The following FGF12 variants were observed in gnomAD, a reference collection of about 807,000 sequenced individuals.
FGF12 encodes fibroblast growth factor 12.
Under a neutral mutation model 23.6 loss-of-function variants are expected in FGF12, and 14 were observed. That is an observed-to-expected ratio of 0.59 (90% CI 0.39 to 0.93). The LOEUF is 0.93. Ranked by LOEUF, FGF12 falls within the 40% of genes least tolerant of loss-of-function variation. The pLI, the probability that FGF12 is intolerant of heterozygous loss-of-function variation, is 0.00. For synonymous variants in FGF12, 62 were observed against 77.3 expected (o/e 0.80, Z 1.04); for missense variants, 175 against 217.8 (o/e 0.80, Z 1.24).
chr3:192,696,189 C>A (rs1718118442), intron 2 of FGF12, among the ~76,000 whole-genome samples: 1 of 149,256 alleles, frequency 6.7e-6, no homozygotes, highest in African/African-American at 2.5e-5. Flanking sequence ...TAACAGTAAG[C>A]AATAGTGGAA....
At chr3:192,383,317 T>A (rs1317143531) in intron 2 of FGF12, among the ~76,000 whole-genome samples, 1 of 152,218 alleles carries the variant, frequency 6.6e-6, no homozygotes, top group African/African-American at 2.4e-5. Flanking sequence ...AGGCTGCACA[T>A]GCTATAATAA....
intron 2 of FGF12, among the ~76,000 whole-genome samples, chr3:192,456,007 T>G (rs1220110587): frequency 1.3e-5 from 2 of 152,214 alleles, no homozygotes; most frequent in Non-Finnish European, 2.9e-5. Flanking sequence ...ACTGGTCTTT[T>G]GGGTCCATAA....
intron 2 of FGF12, among the ~76,000 whole-genome samples, chr3:192,711,394 C>T (rs1388065013): frequency 1.3e-5 from 2 of 148,970 alleles, no homozygotes; most frequent in African/African-American, 2.4e-5. Flanking sequence ...CCGGCCGCCC[C>T]TTCTGGGAAG....
intron 4 of FGF12, among the ~76,000 whole-genome samples, chr3:192,248,849 A>G (rs1711813939): frequency 6.6e-6 from 1 of 152,124 alleles, no homozygotes; most frequent in Non-Finnish European, 1.5e-5. Flanking sequence ...TTAGCTTAAC[A>G]CAATTAATTT....
chr3:192,348,909 G>A (rs1718082692), intron 3 of FGF12, among the ~76,000 whole-genome samples: 1 of 152,080 alleles, frequency 6.6e-6, no homozygotes, highest in African/African-American at 2.4e-5. Flanking sequence ...TTTCATAGCT[G>A]TACTGAACAT....
At chr3:192,609,306 G>A (rs1714462151) in intron 2 of FGF12, among the ~76,000 whole-genome samples, 1 of 152,016 alleles carries the variant, frequency 6.6e-6, no homozygotes, top group African/African-American at 2.4e-5. Context: ...CATAAACGGG[G>A]GGTGAAGCGT....
chr3:192,656,505 G>A (rs1482098349), intron 2 of FGF12, among the ~76,000 whole-genome samples: 1 of 152,144 alleles, frequency 6.6e-6, no homozygotes, highest in Non-Finnish European at 1.5e-5. Context: ...CAGGGACATT[G>A]AGCAATGCCT....
intron 5 of FGF12, among the ~76,000 whole-genome samples, chr3:192,170,210 G>C (rs1383292157): frequency 4.1e-5 from 6 of 146,666 alleles, no homozygotes; most frequent in African/African-American, 1.5e-4. Context: ...TCGAATCCGG[G>C]AGGAGGTTGC....
At chr3:192,537,059 T>C (rs909691605) in intron 2 of FGF12, among the ~76,000 whole-genome samples, 5 of 152,186 alleles carry the variant, frequency 3.3e-5, no homozygotes, top group Non-Finnish European at 5.9e-5. Flanking sequence ...GAAGTTTATC[T>C]TTCTGTGCCT....
chr3:192,576,282 C>T (rs951700395), intron 2 of FGF12, among the ~76,000 whole-genome samples: 24 of 152,290 alleles, frequency 1.6e-4, no homozygotes, highest in African/African-American at 5.5e-4. Flanking sequence ...ATGATTTCAT[C>T]CGCACAGCAA....
At chr3:192,256,237 T>C (rs933322969) in intron 4 of FGF12, among the ~76,000 whole-genome samples, 4 of 152,162 alleles carry the variant, frequency 2.6e-5, no homozygotes, top group East Asian at 1.9e-4. Flanking sequence ...AATTTTATAA[T>C]TGTTAAATAA....
intron 2 of FGF12, among the ~76,000 whole-genome samples, chr3:192,517,444 A>C (rs1408345447): frequency 6.6e-6 from 1 of 152,246 alleles, no homozygotes; most frequent in Non-Finnish European, 1.5e-5. Flanking sequence ...GATGCAAAGC[A>C]GGAAAGACAA....
intron 4 of FGF12, among the ~76,000 whole-genome samples, chr3:192,240,350 C>T (rs1451213932): frequency 6.6e-6 from 1 of 151,990 alleles, no homozygotes; most frequent in African/African-American, 2.4e-5. Flanking sequence ...ATCTGATTTC[C>T]CCTGTTATTT....
chr3:192,647,684 CATATATATGTAT>C (rs1204024904), intron 2 of FGF12, among the ~76,000 whole-genome samples: 25 of 148,000 alleles, frequency 1.7e-4, no homozygotes, highest in African/African-American at 5.0e-4. Context: ...TACATATATA[CATATATATGTAT>C]ATATGTGTAT....
chr3:192,554,293 T>TG (rs1560148637), intron 2 of FGF12, among the ~76,000 whole-genome samples: 1 of 152,126 alleles, frequency 6.6e-6, no homozygotes. Context: ...GGGAGCTCTC[T>TG]GGGGGGAATT....
intron 5 of FGF12, among the ~76,000 whole-genome samples, chr3:192,149,330 A>G (rs960130844): frequency 1.3e-4 from 20 of 151,040 alleles, no homozygotes; most frequent in African/African-American, 4.6e-4. Flanking sequence ...TTTTATTATT[A>G]TACTTTAAGT....
At chr3:192,322,123 G>A (rs561647167) in intron 4 of FGF12, among the ~76,000 whole-genome samples, 189 of 151,826 alleles carry the variant, frequency 1.2e-3, no homozygotes, top group African/African-American at 4.4e-3. Context: ...ATTCAGTTAA[G>A]TTTCAGGGTA....
chr3:192,477,566 T>G (rs1162198257), intron 2 of FGF12, among the ~76,000 whole-genome samples: 1 of 152,232 alleles, frequency 6.6e-6, no homozygotes, highest in Non-Finnish European at 1.5e-5. Context: ...TATATTTATT[T>G]TTAAACACTA....
intron 4 of FGF12, among the ~76,000 whole-genome samples, chr3:192,237,050 T>C (rs951052376): frequency 2.0e-5 from 3 of 152,188 alleles, no homozygotes; most frequent in African/African-American, 7.2e-5. Flanking sequence ...TCCCTTAGTG[T>C]TTGCTTGTCT....
Sources: allele counts gnomAD v4.1 joint callset (sites outside exome capture counted in the v4.1 genomes callset), GRCh38; gene constraint gnomAD v4.1.1; transcripts MANE v1.5; gene names NCBI Gene and HGNC (gene_info 2026-07-23, HGNC 2026-07-21).